The following KLF13 variants were observed in gnomAD, a reference collection of about 807,000 sequenced individuals.
The protein encoded by KLF13 is Krueppel-like factor 13.
A neutral mutation model predicts 16.7 loss-of-function variants in KLF13; 8 were observed. That is an observed-to-expected ratio of 0.48 (90% CI 0.28 to 0.87). The LOEUF (loss-of-function observed/expected upper bound fraction) is 0.87, where lower values mean the gene tolerates loss of function less well. Among genes scored for constraint, KLF13 ranks in the 40% least tolerant of loss-of-function variants. The pLI is 0.10. For synonymous variants in KLF13, 245 were observed against 208.4 expected (o/e 1.18, Z -1.51); for missense variants, 447 against 452.2 (o/e 0.99, Z 0.10).
At chr15:31,364,124 C>T (rs765554097) in intron 1 of KLF13, among the ~76,000 whole-genome samples, 3 of 140,488 alleles carry the variant, frequency 2.1e-5, no homozygotes, top group Non-Finnish European at 3.1e-5. Flanking sequence ...CTGGTGGTCT[C>T]GTTTCCCCCA....
chr15:31,399,660 G>A (rs575493825), intron 2 of KLF13, among the ~76,000 whole-genome samples: 125 of 152,368 alleles, frequency 8.2e-4, no homozygotes, highest in African/African-American at 2.9e-3. Flanking sequence ...GGCTGGGTGC[G>A]GGACAAGGGG....
Position 31,385,281 on chromosome 15 carries a change from A to G in KLF13, n.224-50089A>G, listed in dbSNP as rs184214152. 1.3e-3 allele frequency among the ~76,000 whole-genome samples: 191 copies of G among 152,364 alleles called. 1 individual carries two copies. The highest frequency in any genetic ancestry group is 4.2e-3 in the African/African-American group (175 of 41,590). ...TGATGAGTATCTATAGACCAAGAGC[A>G]TGAAACCTACATGATGAAGGTTAAT... On this transcript the variant is annotated intron_variant and non_coding_transcript_variant, in intron 1 of 1. Transcript: ENST00000558921.
At chr15:31,435,100 G>A (rs1357150793) in intron 1 of KLF13, among the ~76,000 whole-genome samples, 1 of 152,204 alleles carries the variant, frequency 6.6e-6, no homozygotes, top group African/African-American at 2.4e-5. Context: ...AAGGGACGGG[G>A]CGGGTGCAAC....
chr15:31,344,998 C>G (rs904313782), intron 1 of KLF13, among the ~76,000 whole-genome samples: 2 of 152,182 alleles, frequency 1.3e-5, no homozygotes, highest in Non-Finnish European at 1.5e-5. Flanking sequence ...TGAGCTGTTG[C>G]AGTTTGGGGC....
chr15:31,392,396 G>T (rs969049168), upstream of KLF13, among the ~76,000 whole-genome samples: 2 of 152,182 alleles, frequency 1.3e-5, no homozygotes, highest in Non-Finnish European at 1.5e-5. Flanking sequence ...TCGCGGGGAC[G>T]GGGCGGCGGT....
At chr15:31,357,060 T>C (rs2039311649) in intron 1 of KLF13, among the ~76,000 whole-genome samples, 1 of 152,268 alleles carries the variant, frequency 6.6e-6, no homozygotes, top group South Asian at 2.1e-4. Flanking sequence ...ATTTTTGCTC[T>C]GTTTTCTGTG....
chr15:31,331,987 G>C (rs1219490487), intron 1 of KLF13, among the ~76,000 whole-genome samples: 6 of 152,232 alleles, frequency 3.9e-5, no homozygotes, highest in African/African-American at 1.4e-4. Context: ...ATTCCAAGAT[G>C]TGGTTATATG....
At chr15:31,361,071 G>T (rs534980986) in intron 1 of KLF13, among the ~76,000 whole-genome samples, 1 of 152,204 alleles carries the variant, frequency 6.6e-6, no homozygotes, top group Non-Finnish European at 1.5e-5. Context: ...GCTGGGGACC[G>T]TGGAGGTCCC....
At chr15:31,342,017 C>A (rs2140939869) in intron 1 of KLF13, among the ~76,000 whole-genome samples, 1 of 152,310 alleles carries the variant, frequency 6.6e-6, no homozygotes, top group Middle Eastern at 3.4e-3. Context: ...CACGTGTTAC[C>A]AGGTAACCAA....
At chr15:31,393,430 C>G (rs905896748) in intron 1 of KLF13, 14 of 151,868 alleles carry the variant, frequency 9.2e-5, no homozygotes, top group Non-Finnish European at 8.8e-5. Context: ...CCGTCCCCCC[C>G]CCGTCCCCCT....
chr15:31,381,008 C>T (rs2039717368), downstream of KLF13, among the ~76,000 whole-genome samples: 1 of 152,046 alleles, frequency 6.6e-6, no homozygotes. Flanking sequence ...CCCATCCCCA[C>T]TAAAAATACA....
exon 3 of KLF13, chr15:31,404,147 G>T (rs925193423): frequency 6.6e-6 from 1 of 152,288 alleles, no homozygotes; most frequent in African/African-American, 2.4e-5. Context: ...AGTTACCAGT[G>T]GGCCCGCGGC....
chr15:31,426,541 T>C (rs1398527708), intron 1 of KLF13, among the ~76,000 whole-genome samples: 1 of 152,184 alleles, frequency 6.6e-6, no homozygotes, highest in African/African-American at 2.4e-5. Context: ...GAAGAAATAT[T>C]TGCAAACCAT....
At chr15:31,358,557 A>G (rs937254855) in intron 1 of KLF13, among the ~76,000 whole-genome samples, 3 of 152,208 alleles carry the variant, frequency 2.0e-5, no homozygotes, top group African/African-American at 7.2e-5. Context: ...TTCTTTGGTA[A>G]GAGTGTTCAG....
chr15:31,351,105 G>A (rs1430579906), intron 1 of KLF13, among the ~76,000 whole-genome samples: 4 of 152,302 alleles, frequency 2.6e-5, no homozygotes, highest in Non-Finnish European at 5.9e-5. Context: ...AACCTGAGTT[G>A]GAAAGTCTTT....
At chr15:31,345,382 G>A (rs1026837015) in intron 1 of KLF13, among the ~76,000 whole-genome samples, 5 of 152,166 alleles carry the variant, frequency 3.3e-5, no homozygotes, top group African/African-American at 9.7e-5. Flanking sequence ...CTGGAGGCCT[G>A]TGCCCCCGCC....
At chr15:31,428,802 CAAAAAAAAA>C (rs1218921356) in intron 1 of KLF13, among the ~76,000 whole-genome samples, 1 of 61,888 alleles carries the variant, frequency 1.6e-5, no homozygotes, top group Non-Finnish European at 2.9e-5. Flanking sequence ...GACTCTATCT[CAAAAAAAAA>C]AAAAAAAAAA....
chr15:31,350,337 C>T (rs375973101), intron 1 of KLF13, among the ~76,000 whole-genome samples: 1 of 152,214 alleles, frequency 6.6e-6, no homozygotes, highest in Admixed American at 6.5e-5. Context: ...GTCCGTTGTT[C>T]GGAACCTCGC....
Position 31,420,581 on chromosome 15 carries a change from G to A in KLF13, n.118-14789G>A, listed in dbSNP as rs556362455. 14 of 462,158 alleles carry A rather than the reference G, an allele frequency of 3.0e-5. No homozygotes were observed. In the East Asian group the frequency reaches 7.2e-4, roughly 24 times the overall value. The allele number at this position is 462,158 out of a possible 1,614,324, so 28.6% of individuals were successfully genotyped here. The stretch of plus-strand genomic sequence containing the variant: ...CATTGATAGCCCTTTGAACATGCAT[G>A]CTGTTGAGTTCTGGAAAAACCCTAC... On this transcript the variant is annotated intron_variant and non_coding_transcript_variant, in intron 1 of 1. Coordinates refer to the KLF13 transcript ENST00000558225.
Sources: allele counts gnomAD v4.1 joint callset (sites outside exome capture counted in the v4.1 genomes callset), GRCh38; gene constraint gnomAD v4.1.1; transcripts MANE v1.5; gene names NCBI Gene and HGNC (gene_info 2026-07-23, HGNC 2026-07-21).